Variants in CNKSR3 observed in about 807,000 individuals in gnomAD.
CNKSR3 encodes CNKSR family member 3, also known as connector enhancer of kinase suppressor of ras 3.
Under a neutral mutation model 67.7 loss-of-function variants are expected in CNKSR3, and 36 were observed. That is an observed-to-expected ratio of 0.53 (90% CI 0.41 to 0.70). The LOEUF is 0.70. Among genes scored for constraint, CNKSR3 ranks in the 30% least tolerant of loss-of-function variants. The pLI is 0.00. For synonymous variants in CNKSR3, 281 were observed against 271.4 expected (o/e 1.04, Z -0.35); for missense variants, 630 against 695.2 (o/e 0.91, Z 1.05).
chr6:154,497,287 A>G (rs1456703004), intron 1 of CNKSR3, among the ~76,000 whole-genome samples: 2 of 151,780 alleles, frequency 1.3e-5, no homozygotes, highest in African/African-American at 2.4e-5. Flanking sequence ...GCTACTTAGG[A>G]GGCTGAGGCA....
chr6:154,438,606 G>A (rs1785520773), intron 4 of CNKSR3, among the ~76,000 whole-genome samples: 2 of 152,158 alleles, frequency 1.3e-5, no homozygotes, highest in Admixed American at 6.5e-5. Flanking sequence ...CTAATTAATG[G>A]TAGAGGTAGG....
At chr6:154,426,373 T>TATTTATTTATTC (rs1369928631) in intron 7 of CNKSR3, among the ~76,000 whole-genome samples, 18 of 152,052 alleles carry the variant, frequency 1.2e-4, no homozygotes, top group Admixed American at 1.2e-3. Flanking sequence ...TTTATTTATT[T>TATTTATTTATTC]ATTTGAGACA....
intron 1 of CNKSR3, among the ~76,000 whole-genome samples, chr6:154,473,315 C>T (rs1482465884): frequency 1.3e-5 from 2 of 152,136 alleles, no homozygotes; most frequent in Non-Finnish European, 2.9e-5. Context: ...ATTTTCTATG[C>T]GTTAGGCATA....
At position 154,450,127 on chromosome 6, in the gene CNKSR3, C is replaced by A. The variant is rs41292920; in HGVS notation, c.184G>T (p.Val62Leu). Reference sequence around the variant, plus strand: ...CAGAGAAGGTCCACAGCCTCCAACACAAGCTCCTGGTGTCCAATCCGTGTG... The same window carrying A: ...CAGAGAAGGTCCACAGCCTCCAACAAAAGCTCCTGGTGTCCAATCCGTGTG... ...GVTRIGHQEL[V>L]LEAVDLLCAL... is the part of the protein sequence containing the mutation. Residue 62 changes from valine (V) to leucine (L), a missense_variant, in exon 2 of 13, where the codon GTG becomes TTG. Val to Leu is a conservative substitution (Grantham distance 32). Coordinates refer to ENST00000607772, the MANE Select transcript of CNKSR3 (RefSeq NM_173515.4). 6.2e-6 allele frequency: 10 copies of A among 1,614,188 alleles called. No individual in the cohort carries two copies. In the South Asian group the frequency reaches 1.1e-4, roughly 18 times the overall value.
At chr6:154,417,545 G>C (rs558976733) in intron 9 of CNKSR3, among the ~76,000 whole-genome samples, 1 of 152,244 alleles carries the variant, frequency 6.6e-6, no homozygotes, top group South Asian at 2.1e-4. Flanking sequence ...CTTATGTTTA[G>C]ATGTTATTAT....
intron 1 of CNKSR3, among the ~76,000 whole-genome samples, chr6:154,460,735 C>G (rs1480783782): frequency 6.6e-6 from 1 of 152,214 alleles, no homozygotes; most frequent in Non-Finnish European, 1.5e-5. Flanking sequence ...GGTCTAAAAA[C>G]CAAACACCGG....
chr6:154,470,188 C>CTGT (rs1786295519), intron 1 of CNKSR3, among the ~76,000 whole-genome samples: 3 of 68,752 alleles, frequency 4.4e-5, no homozygotes, highest in Non-Finnish European at 7.8e-5. Context: ...ACTTTCTTTC[C>CTGT]TTTTTTTTTT....
intron 1 of CNKSR3, among the ~76,000 whole-genome samples, chr6:154,468,206 A>C (rs1459910914): frequency 6.6e-6 from 1 of 150,894 alleles, no homozygotes; most frequent in African/African-American, 2.4e-5. Context: ...CCTCCTCCCA[A>C]GCAGCCAGGA....
intron 9 of CNKSR3, among the ~76,000 whole-genome samples, chr6:154,417,748 C>G (rs982896917): frequency 6.6e-6 from 1 of 152,086 alleles, no homozygotes; most frequent in African/African-American, 2.4e-5. Flanking sequence ...GAAGACCACA[C>G]GAGAACAGAG....
At chr6:154,502,355 C>A (rs897008348) in intron 1 of CNKSR3, among the ~76,000 whole-genome samples, 7 of 139,008 alleles carry the variant, frequency 5.0e-5, no homozygotes, top group Non-Finnish European at 7.9e-5. Flanking sequence ...CCATGCCCAG[C>A]TAATTTTTTT....
intron 5 of CNKSR3, among the ~76,000 whole-genome samples, chr6:154,432,433 G>A (rs1282575393): frequency 6.6e-6 from 1 of 151,918 alleles, no homozygotes; most frequent in African/African-American, 2.4e-5. Flanking sequence ...TTATCTGATA[G>A]GTGTTTTGAA....
chr6:154,421,987 CTTTTTTT>C, intron 9 of CNKSR3, among the ~76,000 whole-genome samples: 1 of 127,322 alleles, frequency 7.9e-6, no homozygotes, highest in Middle Eastern at 4.1e-3. Flanking sequence ...TCATTTCATT[CTTTTTTT>C]TTTTTTTTTT....
rs1202894558 is a variant in CNKSR3 at position 154,399,306 on chromosome 6, C to T, written c.*7048G>A. On this transcript the variant is annotated 3_prime_UTR_variant, in exon 13 of 13. Coordinates refer to ENST00000607772, the MANE Select transcript of CNKSR3 (RefSeq NM_173515.4). ...CTCTGAATACCTTATTCACTAGAGG[C>T]TGAGATGGAGTCAGTACTGCTACTA... 1 of 152,172 alleles carries T rather than the reference C, an allele frequency of 6.6e-6. No individual in the cohort carries two copies. Among genetic ancestry groups the T allele is most frequent in the African/African-American group, 2.4e-5 (1 of 41,434 alleles). 9.4% of individuals were successfully genotyped at this position (152,172 alleles called of 1,614,324 possible). A position where few individuals can be genotyped will look rare whatever the true frequency, so the allele number is the denominator to read the frequency against.
chr6:154,415,387 C>T (rs1485192403), intron 9 of CNKSR3, among the ~76,000 whole-genome samples: 2 of 151,966 alleles, frequency 1.3e-5, no homozygotes, highest in African/African-American at 4.8e-5. Flanking sequence ...CGTGCCACCA[C>T]ACCCAGCTAA....
chr6:154,443,543 G>A (rs1013017138), intron 2 of CNKSR3, among the ~76,000 whole-genome samples: 6 of 151,794 alleles, frequency 4.0e-5, no homozygotes, highest in Non-Finnish European at 5.9e-5. Context: ...CCACTGGGAC[G>A]TGAGGGCTGC....
chr6:154,508,682 C>A (rs1262576069), intron 1 of CNKSR3, among the ~76,000 whole-genome samples: 2 of 152,210 alleles, frequency 1.3e-5, no homozygotes, highest in South Asian at 2.1e-4. Flanking sequence ...CCAAGGGAAA[C>A]CTAGTCACCA....
intron 12 of CNKSR3, among the ~76,000 whole-genome samples, chr6:154,406,993 G>A (rs1338456455): frequency 6.6e-6 from 1 of 151,130 alleles, no homozygotes; most frequent in Non-Finnish European, 1.5e-5. Context: ...CCTACACAGT[G>A]CTCTTTGGAG....
At chr6:154,473,897 G>A (rs549483629) in intron 1 of CNKSR3, among the ~76,000 whole-genome samples, 4 of 151,798 alleles carry the variant, frequency 2.6e-5, no homozygotes, top group African/African-American at 4.8e-5. Context: ...TGATTCTCCT[G>A]CCTCAGCCTC....
intron 12 of CNKSR3, 134 bp from the exon 13 acceptor site, chr6:154,406,786 G>T (rs1273428674): frequency 1.4e-6 from 1 of 729,746 alleles, no homozygotes; most frequent in African/African-American, 1.8e-5. Flanking sequence ...TGGCCAACAT[G>T]GTGAAACCCC....
Sources: gnomAD v4.1 joint callset for allele counts (sites outside exome capture counted in the v4.1 genomes callset) on GRCh38, gnomAD v4.1.1 for gene constraint, MANE v1.5 for transcripts, NCBI Gene and HGNC (gene_info 2026-07-23, HGNC 2026-07-21) for gene names.